Variants in GRM8 observed in about 807,000 individuals in gnomAD.
GRM8 encodes glutamate metabotropic receptor 8, also known as metabotropic glutamate receptor 8.
GRM8 carries 47 observed loss-of-function variants against 87.2 expected under a neutral mutation model. The observed-to-expected ratio is 0.54, with a 90% CI of 0.43 to 0.69. The LOEUF (loss-of-function observed/expected upper bound fraction) is 0.69. Ranked by LOEUF, GRM8 falls within the 30% of genes least tolerant of loss-of-function variation. The pLI is 0.00. For synonymous variants in GRM8, 396 were observed against 404.5 expected (o/e 0.98, Z 0.25); for missense variants, 1,019 against 1,139.2 (o/e 0.89, Z 1.52).
chr7:126,516,294 A>ACATCTGCATTTCTATTTAAT (rs1812151512), intron 9 of GRM8, among the ~76,000 whole-genome samples: 1 of 151,824 alleles, frequency 6.6e-6, no homozygotes, highest in Admixed American at 6.6e-5. Context: ...ATTTAACATA[A>ACATCTGCATTTCTATTTAAT]CATCTGCATT....
intron 9 of GRM8, among the ~76,000 whole-genome samples, chr7:126,496,225 A>G (rs1002592039): frequency 6.6e-6 from 1 of 151,902 alleles, no homozygotes; most frequent in Admixed American, 6.6e-5. Context: ...AGGAAGGAAG[A>G]AAGGGAGACA....
chr7:126,972,168 AAAC>A (rs1349801629), intron 3 of GRM8, among the ~76,000 whole-genome samples: 1 of 152,208 alleles, frequency 6.6e-6, no homozygotes, highest in East Asian at 1.9e-4. Flanking sequence ...TATTAGGAAA[AAAC>A]AACAATAAGA....
intron 9 of GRM8, among the ~76,000 whole-genome samples, chr7:126,471,103 T>C (rs994796538): frequency 6.6e-6 from 1 of 152,016 alleles, no homozygotes; most frequent in African/African-American, 2.4e-5. Flanking sequence ...CTTTGTCAGA[T>C]GAGTAGGTTG....
intron 3 of GRM8, among the ~76,000 whole-genome samples, chr7:127,034,919 G>A (rs1817710898): frequency 6.6e-6 from 1 of 151,906 alleles, no homozygotes; most frequent in East Asian, 1.9e-4. Context: ...TGGTTGGGGT[G>A]GGCATGAAAA....
intron 6 of GRM8, among the ~76,000 whole-genome samples, chr7:126,858,665 GTTCTGT>G (rs1797889319): frequency 6.6e-6 from 1 of 152,100 alleles, no homozygotes; most frequent in African/African-American, 2.4e-5. Flanking sequence ...TGTTTCCACT[GTTCTGT>G]CTCCCTACTC....
chr7:126,860,908 T>C (rs572390174), intron 6 of GRM8, among the ~76,000 whole-genome samples: 9 of 152,294 alleles, frequency 5.9e-5, no homozygotes, highest in African/African-American at 2.2e-4. Context: ...AATATTAGTA[T>C]ATAACTGAGA....
chr7:127,063,294 G>A (rs559321296), intron 3 of GRM8, among the ~76,000 whole-genome samples: 5 of 152,048 alleles, frequency 3.3e-5, no homozygotes, highest in African/African-American at 1.2e-4. Context: ...TCCTAAGCCA[G>A]GCCAGGTGCC....
intron 2 of GRM8, among the ~76,000 whole-genome samples, chr7:127,230,732 G>C (rs963267307): frequency 6.6e-6 from 1 of 152,124 alleles, no homozygotes; most frequent in Non-Finnish European, 1.5e-5. Flanking sequence ...CAAGGAGACA[G>C]CATCTATAAA....
At chr7:126,535,905 C>G (rs956478480) in intron 8 of GRM8, among the ~76,000 whole-genome samples, 1 of 152,144 alleles carries the variant, frequency 6.6e-6, no homozygotes, top group Non-Finnish European at 1.5e-5. Flanking sequence ...TCCAGTCAAG[C>G]CTTCAGGTGA....
chr7:126,708,683 G>T (rs1161635126), intron 7 of GRM8, among the ~76,000 whole-genome samples: 1 of 151,796 alleles, frequency 6.6e-6, no homozygotes, highest in Admixed American at 6.6e-5. Context: ...GAACATGGAG[G>T]ACATTAAGTG....
chr7:126,451,530 T>G (rs1802618326), intron 9 of GRM8, among the ~76,000 whole-genome samples: 1 of 151,680 alleles, frequency 6.6e-6, no homozygotes. Flanking sequence ...GAGCATTTGA[T>G]TGATCCTAAC....
intron 2 of GRM8, among the ~76,000 whole-genome samples, chr7:127,205,500 T>C (rs1054042440): frequency 2.6e-5 from 4 of 152,184 alleles, no homozygotes; most frequent in African/African-American, 9.7e-5. Context: ...TTCTTGCTAG[T>C]TGTCTCCTTG....
At chr7:126,838,186 T>A (rs1795968488) in intron 6 of GRM8, among the ~76,000 whole-genome samples, 1 of 152,222 alleles carries the variant, frequency 6.6e-6, no homozygotes, top group Admixed American at 6.5e-5. Flanking sequence ...TGATGCATTG[T>A]GCATTTTAAT....
chr7:127,102,881 G>A (rs554422889), intron 3 of GRM8, among the ~76,000 whole-genome samples: 2 of 152,294 alleles, frequency 1.3e-5, no homozygotes, highest in East Asian at 3.9e-4. Context: ...CTCCAGAATA[G>A]TAGATCCACC....
chr7:127,210,587 A>T (rs1172482687), intron 2 of GRM8, among the ~76,000 whole-genome samples: 1 of 152,210 alleles, frequency 6.6e-6, no homozygotes, highest in Admixed American at 6.5e-5. Flanking sequence ...CAATCCTAGC[A>T]TACATGATAA....
intron 8 of GRM8, among the ~76,000 whole-genome samples, chr7:126,547,749 G>C (rs1357384259): frequency 6.6e-6 from 1 of 151,988 alleles, no homozygotes; most frequent in African/African-American, 2.4e-5. Flanking sequence ...CAGAATGAAA[G>C]TATATGAAAT....
At chr7:127,235,618 A>G (rs2116836929) in intron 2 of GRM8, among the ~76,000 whole-genome samples, 1 of 152,374 alleles carries the variant, frequency 6.6e-6, no homozygotes, top group African/African-American at 2.4e-5. Context: ...CCATATGATT[A>G]AAAACCAAGC....
intron 7 of GRM8, among the ~76,000 whole-genome samples, chr7:126,635,462 T>C (rs1017386539): frequency 6.6e-6 from 1 of 152,168 alleles, no homozygotes; most frequent in Admixed American, 6.6e-5. Context: ...TTACTTTGAG[T>C]ATTGTTGCCT....
chr7:127,103,131 T>C (rs1175388803), intron 3 of GRM8, among the ~76,000 whole-genome samples: 1 of 152,190 alleles, frequency 6.6e-6, no homozygotes, highest in African/African-American at 2.4e-5. Flanking sequence ...GCATGAGCCA[T>C]CACACCAAGT....
Sources: gnomAD v4.1 joint callset for allele counts (sites outside exome capture counted in the v4.1 genomes callset) on GRCh38, gnomAD v4.1.1 for gene constraint, MANE v1.5 for transcripts, NCBI Gene and HGNC (gene_info 2026-07-23, HGNC 2026-07-21) for gene names.